The following DAAM1 variants were observed in gnomAD, a reference collection of about 807,000 sequenced individuals.
DAAM1 encodes the protein dishevelled associated activator of morphogenesis 1.
Under a neutral mutation model 130.0 loss-of-function variants are expected in DAAM1, and 52 were observed. The ratio of observed to expected loss-of-function variants is 0.40; its 90% confidence interval spans 0.32 to 0.50. The LOEUF (loss-of-function observed/expected upper bound fraction) is 0.50, where lower values mean the gene tolerates loss of function less well. Among genes scored for constraint, DAAM1 ranks in the 20% least tolerant of loss-of-function variants. DAAM1 has a pLI of 0.61. For missense variants in DAAM1, 1,134 were observed against 1,303.8 expected (o/e 0.87, Z 2.01); for synonymous variants, 452 against 444.5 (o/e 1.02, Z -0.21).
intron 4 of DAAM1, among the ~76,000 whole-genome samples, chr14:59,317,848 C>T (rs1475435098): frequency 6.6e-6 from 1 of 152,114 alleles, no homozygotes; most frequent in Non-Finnish European, 1.5e-5. Flanking sequence ...GTTTTTGAAA[C>T]CCTGTGGCAT....
chr14:59,191,856 TCCTCTCACCTGAGGCAGAG>T (rs1413050644), intron 1 of DAAM1, among the ~76,000 whole-genome samples: 2 of 152,126 alleles, frequency 1.3e-5, no homozygotes, highest in African/African-American at 4.8e-5. Flanking sequence ...GAGACAATAG[TCCTCTCACCTGAGGCAGAG>T]CCGTTCCGTA....
chr14:59,361,710 G>C (rs1410861034), intron 22 of DAAM1, among the ~76,000 whole-genome samples: 1 of 152,184 alleles, frequency 6.6e-6, no homozygotes, highest in Non-Finnish European at 1.5e-5. Context: ...GCCAGCGAGA[G>C]AGGGGGCAGG....
intron 17 of DAAM1, among the ~76,000 whole-genome samples, chr14:59,350,513 A>G (rs1443878852): frequency 2.0e-5 from 3 of 151,300 alleles, no homozygotes; most frequent in Non-Finnish European, 4.4e-5. Context: ...AAGACTCCAC[A>G]TCCCCATCTA....
At chr14:59,272,643 A>ATGTATGTATGTATG (rs138081475) in intron 2 of DAAM1, among the ~76,000 whole-genome samples, 14 of 145,874 alleles carry the variant, frequency 9.6e-5, no homozygotes, top group Non-Finnish European at 2.1e-4. Flanking sequence ...ACACACATAT[A>ATGTATGTATGTATG]TATGTATGTA....
intron 1 of DAAM1, among the ~76,000 whole-genome samples, chr14:59,238,418 C>T (rs1218929904): frequency 6.6e-6 from 1 of 152,098 alleles, no homozygotes; most frequent in Non-Finnish European, 1.5e-5. Context: ...TGTACGGTGG[C>T]CTTGTTCATG....
intron 15 of DAAM1, among the ~76,000 whole-genome samples, chr14:59,336,201 T>C (rs750614326): frequency 3.3e-5 from 5 of 152,190 alleles, no homozygotes; most frequent in Admixed American, 1.3e-4. Flanking sequence ...GTAAAAGTTA[T>C]GATTATCTGT....
chr14:59,232,861 C>T (rs1889155565), intron 1 of DAAM1, among the ~76,000 whole-genome samples: 1 of 152,012 alleles, frequency 6.6e-6, no homozygotes, highest in African/African-American at 2.4e-5. Context: ...TCTCATTGCT[C>T]AGCTCCCACT....
At chr14:59,364,619 C>T (rs775760961) in intron 23 of DAAM1, among the ~76,000 whole-genome samples, 1 of 151,154 alleles carries the variant, frequency 6.6e-6, no homozygotes, top group Admixed American at 6.6e-5. Context: ...CTCTCAGTTG[C>T]CACAACACTC....
intron 1 of DAAM1, among the ~76,000 whole-genome samples, chr14:59,242,495 G>T (rs936801439): frequency 1.3e-5 from 2 of 152,214 alleles, no homozygotes; most frequent in Non-Finnish European, 2.9e-5. Context: ...ACTATGGCCA[G>T]ACATTATTAT....
chr14:59,244,297 G>A (rs914880238), intron 1 of DAAM1, among the ~76,000 whole-genome samples: 1 of 151,268 alleles, frequency 6.6e-6, no homozygotes, highest in African/African-American at 2.4e-5. Flanking sequence ...TCAGCAGCCA[G>A]AAAACAGACT....
In DAAM1 at chr14:59,353,872, A is replaced by G. The variant is rs1290997825; in HGVS notation, c.2268-4A>G. 1.9e-6 allele frequency: 3 copies of G among 1,613,576 alleles called. No individual in the cohort carries two copies. The highest frequency in any genetic ancestry group is 2.5e-6 in the Non-Finnish European group (3 of 1,179,746). ...TATCAATTAGTACATGTTTGCTCTT[A>G]CAGAATTAATCACTATCAGCAAAGG... On this transcript the variant is annotated splice_region_variant and splice_polypyrimidine_tract_variant and intron_variant, in intron 18 of 24. Coordinates refer to ENST00000360909, the MANE Select transcript of DAAM1 (RefSeq NM_001270520.2).
intron 4 of DAAM1, among the ~76,000 whole-genome samples, chr14:59,317,221 C>T (rs1261643525): frequency 6.6e-6 from 1 of 152,036 alleles, no homozygotes; most frequent in Non-Finnish European, 1.5e-5. Context: ...TTCTAATGTT[C>T]CTTTTAGGAC....
intron 2 of DAAM1, among the ~76,000 whole-genome samples, chr14:59,272,707 A>C (rs145213073): frequency 1.6e-3 from 237 of 152,192 alleles, no homozygotes; most frequent in Non-Finnish European, 2.6e-3. Flanking sequence ...TTCCTTTGAC[A>C]GTGTAGCATT....
At chr14:59,195,052 A>T (rs1555353696) in intron 1 of DAAM1, among the ~76,000 whole-genome samples, 1 of 152,152 alleles carries the variant, frequency 6.6e-6, no homozygotes, top group Non-Finnish European at 1.5e-5. Flanking sequence ...AAGGCTTGTT[A>T]GCCATTAGGC....
intron 20 of DAAM1, among the ~76,000 whole-genome samples, 165 bp downstream of exon 20, chr14:59,355,498 C>T (rs140833751): frequency 6.6e-6 from 1 of 152,260 alleles, no homozygotes; most frequent in African/African-American, 2.4e-5. Flanking sequence ...CTTCTCTAAA[C>T]CTCTCTCATG....
At position 59,326,522 on chromosome 14, in the gene DAAM1, G is replaced by A. The variant is rs1414127619; in HGVS notation, c.1187G>A (p.Gly396Asp). 1.9e-6 allele frequency: 3 copies of A among 1,590,532 alleles called. No homozygotes were observed. Among genetic ancestry groups the A allele is most frequent in the Admixed American group, 3.6e-5 (2 of 55,876 alleles). ...HCLQMPYKRS[G>D]NTVQYWLLLD... is the part of the protein sequence containing the mutation. ...TTTTCTTTTTTAGACAAGAGGAGTG[G>A]CAACACTGTTCAGTACTGGCTACTA... Residue 396 changes from glycine (G) to aspartate (D), a missense_variant, in exon 11 of 25, where the codon GGC becomes GAC. Physicochemically the swap from Gly to Asp is moderately conservative, Grantham distance 94. This residue lies in a region of DAAM1 where 391 missense variants were observed against 521.6 expected (regional missense o/e 0.75). Coordinates refer to ENST00000360909, the MANE Select transcript of DAAM1 (RefSeq NM_001270520.2).
At chr14:59,324,934 G>A (rs989552875) in intron 8 of DAAM1, among the ~76,000 whole-genome samples, 2 of 152,162 alleles carry the variant, frequency 1.3e-5, no homozygotes. Flanking sequence ...ATTTCACTGA[G>A]TCTAAGCTAT....
chr14:59,320,438 C>A, intron 4 of DAAM1, 52 bp from the exon 5 acceptor site: 1 of 1,438,998 alleles, frequency 6.9e-7, no homozygotes, highest in South Asian at 1.2e-5. Flanking sequence ...CTTGTTTGTA[C>A]TGTAATTAAA....
chr14:59,331,846 G>A lies in DAAM1; in HGVS notation c.1894G>A (p.Asp632Asn). The change falls in exon 15 of 25, where the codon GAT (aspartate) becomes AAT (asparagine). Residue 632 changes from aspartate (D) to asparagine (N), a missense_variant. Asp to Asn is a conservative substitution (Grantham distance 23). Transcript: ENST00000360909. ...KLEGTVWTEI[D>N]DTKVFKILDL... ...GGAAGGAACAGTATGGACCGAAATT[G>A]ATGATACAAAAGTCTTCAAAATTCT... 1 of 1,614,148 alleles carries A rather than the reference G, an allele frequency of 6.2e-7. No homozygotes were observed. The highest frequency in any genetic ancestry group is 8.5e-7 in the Non-Finnish European group (1 of 1,179,998).
Sources: gnomAD v4.1 joint callset for allele counts (sites outside exome capture counted in the v4.1 genomes callset) on GRCh38, gnomAD v4.1.1 for gene constraint, gnomAD v4.1.1 regional missense constraint, MANE v1.5 for transcripts, NCBI Gene and HGNC (gene_info 2026-07-23, HGNC 2026-07-21) for gene names.